IL1RAPL1: variants seen among roughly 807,000 people sequenced by gnomAD.
IL1RAPL1 encodes the protein interleukin-1 receptor accessory protein-like 1.
In IL1RAPL1, 3 loss-of-function variants were observed where a neutral mutation model predicts 48.4. The ratio of observed to expected loss-of-function variants is 0.06; its 90% CI spans 0.03 to 0.16. The LOEUF is 0.16. Among genes scored for constraint, IL1RAPL1 ranks in the 10% least tolerant of loss-of-function variants. The pLI, the probability that IL1RAPL1 is intolerant of heterozygous loss-of-function variation, is 1.00. For synonymous variants in IL1RAPL1, 185 were observed against 187.7 expected, an observed-to-expected ratio of 0.99 and a Z score of 0.12; for missense variants, 349 against 530.6, an observed-to-expected ratio of 0.66 and a Z score of 3.36.
rs12710612 is a variant in IL1RAPL1, at chrX:29,718,653, G to T, written c.778+50149G>T. Reference sequence around the variant, plus strand: ...TGCTCTCAGCTGGAGACATGCTTCAGTCTGATCCCATGGGGACCTCTGCAG... The same window carrying T: ...TGCTCTCAGCTGGAGACATGCTTCATTCTGATCCCATGGGGACCTCTGCAG... On this transcript the variant is annotated intron_variant, in intron 6 of 10. Coordinates refer to ENST00000378993, the MANE Select transcript of IL1RAPL1 (RefSeq NM_014271.4). Among the ~76,000 whole-genome samples the T allele has an allele frequency of 4.6e-3, 487 of 105,868 alleles. 5 individuals carry two copies. The highest frequency in any genetic ancestry group is 0.016 in the African/African-American group (463 of 28,744). The allele number at this position is 105,868 out of a possible 115,157, so 91.9% of individuals were successfully genotyped here.
chrX:29,449,091 A>C (rs1934645017), intron 5 of IL1RAPL1, among the ~76,000 whole-genome samples: 1 of 111,376 alleles, frequency 9.0e-6, no homozygotes, highest in African/African-American at 3.3e-5. Flanking sequence ...CCATAACAAC[A>C]GGTGTTACCA....
In IL1RAPL1 at chrX:29,310,131, AAAGGAAAAAAAAAAAAAC is replaced by A. The variant is rs1569282306; in HGVS notation, c.362+26917_362+26934del. 1.0e-3 allele frequency among the ~76,000 whole-genome samples: 39 copies of A among 37,742 alleles called. 3 individuals are homozygous for A. Among genetic ancestry groups the A allele is most frequent in the African/African-American group, 3.2e-3 (28 of 8,708 alleles). 32.8% of individuals were successfully genotyped at this position (37,742 alleles called of 115,157 possible). A position where few individuals can be genotyped will look rare whatever the true frequency, so the allele number is the denominator to read the frequency against. ...AAAAAAAAAAAAAAAAAAAAAAAAG[AAAGGAAAAAAAAAAAAAC>A]AAAAAAAGGGTAAGTCGGGAGCTTA... On this transcript the variant is annotated intron_variant, in intron 3 of 10. Coordinates refer to ENST00000378993, the MANE Select transcript of IL1RAPL1 (RefSeq NM_014271.4).
intron 5 of IL1RAPL1, among the ~76,000 whole-genome samples, chrX:29,639,900 G>T (rs1466121436): frequency 2.7e-5 from 3 of 111,587 alleles, no homozygotes; most frequent in Non-Finnish European, 5.6e-5. Context: ...CTGGTATTTT[G>T]CAGGCTCTTC....
In IL1RAPL1 at chrX:28,779,947, G is replaced by C. The variant is rs1156674649; in HGVS notation, c.-24-9373G>C. Among the ~76,000 whole-genome samples the C allele has an allele frequency of 2.5e-4, 27 of 108,814 alleles. No homozygotes were observed. In the Admixed American group the frequency reaches 2.7e-3, roughly 11 times the overall value. The allele number at this position is 108,814 out of a possible 115,157, so 94.5% of individuals were successfully genotyped here. On this transcript the variant is annotated intron_variant, in intron 1 of 10. Transcript: ENST00000378993. The stretch of plus-strand genomic sequence containing the variant: ...CACCTGACTTGATGGAGTTGTCAAA[G>C]AACCACAAATTTATATGCAATAAAG...
intron 2 of IL1RAPL1, among the ~76,000 whole-genome samples, chrX:28,824,663 A>G (rs1240818647): frequency 9.0e-6 from 1 of 111,509 alleles, no homozygotes; most frequent in Non-Finnish European, 1.9e-5. Context: ...ACATCAAAGT[A>G]TAAATAATAG....
In IL1RAPL1 at chrX:29,405,448, G is replaced by C. The variant is rs1333002196; in HGVS notation, c.703+6140G>C. Among the ~76,000 whole-genome samples the C allele has an allele frequency of 8.2e-4, 79 of 96,013 alleles. 3 individuals are homozygous for C. Among genetic ancestry groups the C allele is most frequent in the Non-Finnish European group, 1.4e-3 (71 of 50,682 alleles). The allele number at this position is 96,013 out of a possible 115,157, so 83.4% of individuals were successfully genotyped here. A position where few individuals can be genotyped will look rare whatever the true frequency, so the allele number is the denominator to read the frequency against. On this transcript the variant is annotated intron_variant, in intron 5 of 10. Coordinates refer to ENST00000378993, the MANE Select transcript of IL1RAPL1 (RefSeq NM_014271.4). ...GTGGCGGGATCTCGGCTCACTGCAA[G>C]CTCCGCCTCCCGGGTTCACGCCATT...
intron 1 of IL1RAPL1, among the ~76,000 whole-genome samples, chrX:28,758,869 T>C (rs1485597358): frequency 8.9e-6 from 1 of 111,941 alleles, no homozygotes. Flanking sequence ...ATTCCCTTTT[T>C]CTGTAACCTG....
intron 2 of IL1RAPL1, among the ~76,000 whole-genome samples, chrX:29,048,122 A>C (rs1177905437): frequency 9.0e-6 from 1 of 111,574 alleles, no homozygotes; most frequent in Non-Finnish European, 1.9e-5. Flanking sequence ...AATGTCACAT[A>C]TTAATGTGCC....
At chrX:28,676,553 C>T (rs1296819888) in intron 1 of IL1RAPL1, among the ~76,000 whole-genome samples, 5 of 110,527 alleles carry the variant, frequency 4.5e-5, no homozygotes, top group Middle Eastern at 4.7e-3. Context: ...GCCAACGTGG[C>T]GAAACCCCGT....
intron 1 of IL1RAPL1, among the ~76,000 whole-genome samples, chrX:28,744,221 T>G (rs1052147690): frequency 9.0e-6 from 1 of 111,322 alleles, no homozygotes; most frequent in East Asian, 2.8e-4. Flanking sequence ...CATGCACCTA[T>G]GACGGAGAGA....
chrX:29,460,493 C>T (rs1026609694), intron 5 of IL1RAPL1, among the ~76,000 whole-genome samples: 1 of 112,090 alleles, frequency 8.9e-6, no homozygotes, highest in Non-Finnish European at 1.9e-5. Context: ...TTTCTACTTA[C>T]TCCAGCCTCT....
chrX:29,226,823 T>C (rs919137079), intron 2 of IL1RAPL1, among the ~76,000 whole-genome samples: 13 of 111,589 alleles, frequency 1.2e-4, no homozygotes, highest in Non-Finnish European at 2.1e-4. Flanking sequence ...CTACAAATAC[T>C]TATTACCTGA....
chrX:29,761,581 A>G (rs1484640788), intron 6 of IL1RAPL1, among the ~76,000 whole-genome samples: 1 of 112,028 alleles, frequency 8.9e-6, no homozygotes, highest in Non-Finnish European at 1.9e-5. Flanking sequence ...TGTGAAATAG[A>G]CACTAATAAG....
chrX:29,700,849 C>T (rs139374534), intron 6 of IL1RAPL1, among the ~76,000 whole-genome samples: 105 of 112,026 alleles, frequency 9.4e-4, no homozygotes, highest in African/African-American at 3.2e-3. Flanking sequence ...AGACTCATAG[C>T]AGGAGACATT....
At chrX:29,599,572 G>A (rs1393100820) in intron 5 of IL1RAPL1, among the ~76,000 whole-genome samples, 2 of 112,076 alleles carry the variant, frequency 1.8e-5, no homozygotes, top group African/African-American at 6.5e-5. Flanking sequence ...TCTCTAATAA[G>A]GCTGGGGAAG....
chrX:29,521,291 A>G (rs945324904), intron 5 of IL1RAPL1, among the ~76,000 whole-genome samples: 3 of 112,002 alleles, frequency 2.7e-5, no homozygotes, highest in African/African-American at 9.7e-5. Flanking sequence ...TCGATGGACC[A>G]TAGATCTGCC....
intron 2 of IL1RAPL1, among the ~76,000 whole-genome samples, chrX:29,168,615 T>A (rs11796284): frequency 0.18 from 8,447 of 46,979 alleles, 1,598 homozygotes; most frequent in Non-Finnish European, 0.23. Context: ...AATTGTATAT[T>A]TATATTCATA....
intron 5 of IL1RAPL1, among the ~76,000 whole-genome samples, chrX:29,516,421 G>A (rs961649500): frequency 2.7e-5 from 3 of 111,271 alleles, no homozygotes; most frequent in African/African-American, 9.8e-5. Flanking sequence ...AAACACCTTG[G>A]AGCATGGCCT....
intron 6 of IL1RAPL1, among the ~76,000 whole-genome samples, chrX:29,870,522 G>A (rs1291525428): frequency 1.8e-5 from 2 of 111,868 alleles, no homozygotes; most frequent in Admixed American, 9.5e-5. Context: ...ATTCCCTGTA[G>A]CCAGAGCTTC....
Sources: allele counts gnomAD v4.1 joint callset (sites outside exome capture counted in the v4.1 genomes callset), GRCh38; gene constraint gnomAD v4.1.1; transcripts MANE v1.5; gene names NCBI Gene and HGNC (gene_info 2026-07-23, HGNC 2026-07-21).